FAM171A1: variants seen among roughly 807,000 people sequenced by gnomAD.
FAM171A1 encodes protein FAM171A1.
A neutral mutation model predicts 74.9 loss-of-function variants in FAM171A1; 23 were observed. That is an observed-to-expected ratio of 0.31 (90% CI 0.22 to 0.44). The LOEUF is 0.44. Among genes scored for constraint, FAM171A1 ranks in the 20% least tolerant of loss-of-function variants. The pLI is 1.00. For missense variants in FAM171A1, 1,162 were observed against 1,159.2 expected, an observed-to-expected ratio of 1.00 and a Z score of -0.03; for synonymous variants, 527 against 505.7, an observed-to-expected ratio of 1.04 and a Z score of -0.57.
chr10:15,223,453 G>A (rs1246239161), intron 5 of FAM171A1, among the ~76,000 whole-genome samples: 1 of 152,244 alleles, frequency 6.6e-6, no homozygotes, highest in African/African-American at 2.4e-5. Context: ...CAGATTCTGG[G>A]TTAGGCTAAA....
At chr10:15,335,886 T>C (rs1477751073) in intron 1 of FAM171A1, among the ~76,000 whole-genome samples, 2 of 152,202 alleles carry the variant, frequency 1.3e-5, no homozygotes, top group Non-Finnish European at 2.9e-5. Context: ...TTAAGATTGA[T>C]AATAAAGATG....
intron 1 of FAM171A1, among the ~76,000 whole-genome samples, chr10:15,351,209 A>G (rs1012130217): frequency 1.3e-5 from 2 of 152,214 alleles, no homozygotes; most frequent in Non-Finnish European, 2.9e-5. Context: ...TGCTCAGTTC[A>G]TTATGAGTAT....
chr10:15,240,585 T>C (rs1253883972), intron 5 of FAM171A1, among the ~76,000 whole-genome samples: 1 of 152,152 alleles, frequency 6.6e-6, no homozygotes, highest in Non-Finnish European at 1.5e-5. Flanking sequence ...AAGACAACTG[T>C]GAAAAACGGC....
chr10:15,258,068 C>CA (rs978544837), intron 3 of FAM171A1, among the ~76,000 whole-genome samples: 3 of 151,814 alleles, frequency 2.0e-5, no homozygotes, highest in Non-Finnish European at 4.4e-5. Flanking sequence ...TTTTCTTTTT[C>CA]TTTTTTTTCT....
chr10:15,348,692 G>T (rs1835844805), intron 1 of FAM171A1, among the ~76,000 whole-genome samples: 1 of 152,106 alleles, frequency 6.6e-6, no homozygotes, highest in Non-Finnish European at 1.5e-5. Flanking sequence ...GCCTCTCAGG[G>T]GCCACACGGG....
Position 15,212,868 on chromosome 10 carries a change from G to A in FAM171A1, c.*47C>T, listed in dbSNP as rs1833908652. On this transcript the variant is annotated 3_prime_UTR_variant, in exon 8 of 8. Transcript: ENST00000378116. ...ACGGGTACGCGCTTCCATGAGAAAGGATATTTGGCAATTTTATATTCCACA... is the reference window on the plus strand; with the variant it reads ...ACGGGTACGCGCTTCCATGAGAAAGAATATTTGGCAATTTTATATTCCACA... 1 of 1,602,600 alleles carries A rather than the reference G, an allele frequency of 6.2e-7. No homozygotes were observed. The highest frequency in any genetic ancestry group is 8.5e-7 in the Non-Finnish European group (1 of 1,176,544).
At chr10:15,281,599 C>T (rs1186073276) in intron 2 of FAM171A1, among the ~76,000 whole-genome samples, 8 of 152,182 alleles carry the variant, frequency 5.3e-5, no homozygotes, top group African/African-American at 1.7e-4. Context: ...CAGTGGCTCA[C>T]GCCTGTAATC....
At chr10:15,373,257 G>T (rs1384512883), upstream of FAM171A1, among the ~76,000 whole-genome samples, 1 of 152,162 alleles carries the variant, frequency 6.6e-6, no homozygotes, top group African/African-American at 2.4e-5. Context: ...GGGACTGCTG[G>T]ATTCCCTCCT....
intron 3 of FAM171A1, among the ~76,000 whole-genome samples, chr10:15,273,733 C>T (rs539724874): frequency 3.1e-4 from 47 of 152,216 alleles, no homozygotes; most frequent in East Asian, 5.8e-4. Context: ...GTTCAACATA[C>T]GCAAATCAAT....
chr10:15,254,523 G>GTGCTAACATGTAATTC (rs1179084582), intron 4 of FAM171A1, among the ~76,000 whole-genome samples, 198 bp downstream of exon 4: 2 of 152,344 alleles, frequency 1.3e-5, no homozygotes, highest in East Asian at 3.9e-4. Flanking sequence ...GGAGACCAAT[G>GTGCTAACATGTAATTC]TGCTAACATG....
In FAM171A1 at chr10:15,355,133, C is replaced by G. The variant is rs1025470603; in HGVS notation, c.97+15823G>C. 4.1e-4 allele frequency among the ~76,000 whole-genome samples: 62 copies of G among 152,320 alleles called. 1 individual carries two copies. The highest frequency in any genetic ancestry group is 1.5e-3 in the African/African-American group (62 of 41,568). On this transcript the variant is annotated intron_variant, in intron 1 of 7. Coordinates refer to ENST00000378116, the MANE Select transcript of FAM171A1 (RefSeq NM_001010924.2). ...ACAGGGTCTTGCTCTGACATCCAGG[C>G]AAGTGCAGTGGCAGAATCATGGTTC...
chr10:15,256,496 A>G (rs771163492), intron 3 of FAM171A1, among the ~76,000 whole-genome samples: 6 of 152,168 alleles, frequency 3.9e-5, no homozygotes, highest in Non-Finnish European at 5.9e-5. Context: ...TTTAGAGCCC[A>G]GCGAGCAGGT....
At chr10:15,268,933 T>G (rs1834784553) in intron 3 of FAM171A1, among the ~76,000 whole-genome samples, 1 of 152,052 alleles carries the variant, frequency 6.6e-6, no homozygotes, top group Non-Finnish European at 1.5e-5. Flanking sequence ...TCCCAGCTAC[T>G]GGGGAGGCTG....
At chr10:15,320,459 C>T (rs990879160) in intron 1 of FAM171A1, among the ~76,000 whole-genome samples, 3 of 152,116 alleles carry the variant, frequency 2.0e-5, no homozygotes, top group Non-Finnish European at 2.9e-5. Context: ...TATGGCAGAA[C>T]GATTTATATT....
chr10:15,227,847 G>A (rs4750611), intron 5 of FAM171A1, among the ~76,000 whole-genome samples: 38,958 of 152,142 alleles, frequency 0.26, 5,996 homozygotes, highest in South Asian at 0.45. Context: ...TAATTTGGAA[G>A]CTACATTTAA....
intron 1 of FAM171A1, among the ~76,000 whole-genome samples, chr10:15,295,189 C>T (rs545753348): frequency 5.6e-4 from 85 of 152,266 alleles, no homozygotes; most frequent in African/African-American, 1.9e-3. Context: ...CCACCTGCCT[C>T]GGCCTCCCAA....
At chr10:15,226,823 T>C (rs949198790) in intron 5 of FAM171A1, among the ~76,000 whole-genome samples, 1 of 152,052 alleles carries the variant, frequency 6.6e-6, no homozygotes, top group Non-Finnish European at 1.5e-5. Flanking sequence ...TCTTTCTTCC[T>C]TATAACGTGT....
chr10:15,286,904 T>C (rs1440249164), intron 1 of FAM171A1, among the ~76,000 whole-genome samples: 1 of 152,188 alleles, frequency 6.6e-6, no homozygotes, highest in African/African-American at 2.4e-5. Context: ...TAAAATGTTT[T>C]AGCAAGAACA....
chr10:15,246,913 CAT>C, intron 5 of FAM171A1, among the ~76,000 whole-genome samples: 1 of 152,258 alleles, frequency 6.6e-6, no homozygotes. Flanking sequence ...AGCCCGAGCA[CAT>C]GCTCGTGGGC....
Sources: gnomAD v4.1 joint callset for allele counts (sites outside exome capture counted in the v4.1 genomes callset) on GRCh38, gnomAD v4.1.1 for gene constraint, MANE v1.5 for transcripts, NCBI Gene and HGNC (gene_info 2026-07-23, HGNC 2026-07-21) for gene names.